Variants in RCAN2 observed in about 807,000 individuals in gnomAD.
RCAN2 encodes regulator of calcineurin 2.
A neutral mutation model predicts 23.6 loss-of-function variants in RCAN2; 9 were observed. That is an observed-to-expected ratio of 0.38 (90% CI 0.23 to 0.67). The LOEUF (loss-of-function observed/expected upper bound fraction) is 0.67, where lower values mean the gene tolerates loss of function less well. Among genes scored for constraint, RCAN2 ranks in the 30% least tolerant of loss-of-function variants. The probability of loss-of-function intolerance (pLI) is 0.51; values close to 1 mark genes in which losing one functional copy is unlikely to be tolerated. For missense variants in RCAN2, 273 were observed against 302.3 expected, an observed-to-expected ratio of 0.90 and a Z score of 0.72; for synonymous variants, 109 against 115.7, an observed-to-expected ratio of 0.94 and a Z score of 0.37.
chr6:46,227,577 T>C (rs1249689992), intron 4 of RCAN2, among the ~76,000 whole-genome samples: 1 of 152,136 alleles, frequency 6.6e-6, no homozygotes, highest in Non-Finnish European at 1.5e-5. Flanking sequence ...TTGCGTAGAG[T>C]GTTTATAGTA....
At chr6:46,295,986 A>G (rs1407380814) in intron 2 of RCAN2, among the ~76,000 whole-genome samples, 1 of 151,174 alleles carries the variant, frequency 6.6e-6, no homozygotes, top group African/African-American at 2.4e-5. Context: ...AGCAATGTTC[A>G]TCGATTATAA....
At chr6:46,482,067 G>T (rs1768876641) in intron 1 of RCAN2, among the ~76,000 whole-genome samples, 1 of 151,948 alleles carries the variant, frequency 6.6e-6, no homozygotes. Context: ...TAAAAACTGA[G>T]TAAAAAACAC....
chr6:46,422,053 A>G (rs1243359640), intron 2 of RCAN2, among the ~76,000 whole-genome samples: 1 of 152,112 alleles, frequency 6.6e-6, no homozygotes, highest in East Asian at 1.9e-4. Context: ...ACTCTTCCAA[A>G]TCTCATTTGA....
chr6:46,373,894 G>GGACTAA (rs1418420332), intron 2 of RCAN2, among the ~76,000 whole-genome samples: 4 of 152,186 alleles, frequency 2.6e-5, no homozygotes, highest in Non-Finnish European at 4.4e-5. Context: ...TTTAGGGGAA[G>GGACTAA]TCTTGACAGG....
intron 2 of RCAN2, among the ~76,000 whole-genome samples, chr6:46,367,351 A>C (rs1289138891): frequency 6.6e-6 from 1 of 151,980 alleles, no homozygotes; most frequent in Non-Finnish European, 1.5e-5. Context: ...TTTTCAAAGG[A>C]GGAGGTTCAA....
At chr6:46,265,244 T>G (rs1582045022) in intron 2 of RCAN2, among the ~76,000 whole-genome samples, 1 of 152,116 alleles carries the variant, frequency 6.6e-6, no homozygotes, top group Non-Finnish European at 1.5e-5. Context: ...GAAAATTGGA[T>G]CGTATTGATG....
At chr6:46,237,676 G>C (rs1028322830) in intron 4 of RCAN2, among the ~76,000 whole-genome samples, 27 of 152,270 alleles carry the variant, frequency 1.8e-4, no homozygotes, top group Admixed American at 8.5e-4. Context: ...AAACACTTCT[G>C]GCCCCAAGCA....
chr6:46,279,079 T>A (rs1381310704), intron 2 of RCAN2, among the ~76,000 whole-genome samples: 1 of 150,310 alleles, frequency 6.7e-6, no homozygotes, highest in African/African-American at 2.5e-5. Context: ...AGTTGGTTTG[T>A]TCTTACCCTT....
Position 46,367,460 on chromosome 6 carries a change from A to T in RCAN2, c.225+89292T>A, listed in dbSNP as rs530322133. 1.3e-5 allele frequency among the ~76,000 whole-genome samples: 2 copies of T among 152,334 alleles called. 1 individual carries two copies. The highest frequency in any genetic ancestry group is 4.1e-4 in the South Asian group (2 of 4,830). On this transcript the variant is annotated intron_variant, in intron 2 of 4. Transcript: ENST00000371374. ...TATTTAGAAAGCTCTTGAAAGTCCC[A>T]GTATTAAAATTATGCCCCTGTGGAA...
intron 2 of RCAN2, among the ~76,000 whole-genome samples, chr6:46,418,419 G>A (rs144269167): frequency 0.017 from 2,604 of 151,976 alleles, 52 homozygotes; most frequent in South Asian, 0.12. Context: ...CTTGCTCCAC[G>A]TCCTCAATTC....
chr6:46,359,870 C>G (rs1289630558), intron 2 of RCAN2, among the ~76,000 whole-genome samples: 3 of 152,146 alleles, frequency 2.0e-5, no homozygotes, highest in Non-Finnish European at 4.4e-5. Context: ...AACCAAAGTT[C>G]AGAGATCACA....
chr6:46,353,227 T>G (rs1206605378), intron 2 of RCAN2, among the ~76,000 whole-genome samples: 2 of 152,152 alleles, frequency 1.3e-5, no homozygotes, highest in African/African-American at 4.8e-5. Context: ...AGTTTTTGTT[T>G]TTCTGGGCCT....
At chr6:46,281,445 C>T (rs1012738129) in intron 2 of RCAN2, among the ~76,000 whole-genome samples, 3 of 152,156 alleles carry the variant, frequency 2.0e-5, no homozygotes, top group African/African-American at 7.2e-5. Context: ...GGTTTCAATC[C>T]ACTCTTCAAA....
chr6:46,236,605 A>C (rs377060612), intron 4 of RCAN2, among the ~76,000 whole-genome samples: 1 of 152,232 alleles, frequency 6.6e-6, no homozygotes, highest in South Asian at 2.1e-4. Flanking sequence ...ATTAGTGTTC[A>C]ATGAATATGT....
rs866655568 is a variant in RCAN2 at position 46,224,931 on chromosome 6, C to G, written c.572-1630G>C. On this transcript the variant is annotated intron_variant, in intron 4 of 4. Transcript: ENST00000371374. ...TATCTCCTAATGCTATCCCTCCCCC[C>G]CTTCCCCCACCCCATGACAGGCCCC... Among the ~76,000 whole-genome samples, 20 of 152,100 alleles carry G rather than the reference C, an allele frequency of 1.3e-4. No homozygotes were observed. In the South Asian group the frequency reaches 1.7e-3, roughly 13 times the overall value.
intron 2 of RCAN2, among the ~76,000 whole-genome samples, chr6:46,380,663 C>T (rs781130340): frequency 3.3e-5 from 5 of 152,204 alleles, no homozygotes; most frequent in Non-Finnish European, 7.3e-5. Context: ...CAAGCATAAA[C>T]ACTGGTCTAG....
chr6:46,325,954 C>A, intron 2 of RCAN2: 1 of 849,196 alleles, frequency 1.2e-6, no homozygotes, highest in Non-Finnish European at 1.4e-6. Context: ...TGTAATTCTG[C>A]AGATGAGCCT....
chr6:46,453,186 GAA>G (rs1336015478), intron 2 of RCAN2, among the ~76,000 whole-genome samples: 1 of 152,230 alleles, frequency 6.6e-6, no homozygotes, highest in Non-Finnish European at 1.5e-5. Context: ...GCTCTGAAGA[GAA>G]ATGTACCCTA....
chr6:46,408,273 T>A (rs1766457050), intron 2 of RCAN2, among the ~76,000 whole-genome samples: 1 of 152,162 alleles, frequency 6.6e-6, no homozygotes, highest in Non-Finnish European at 1.5e-5. Flanking sequence ...TTTAGAGCCA[T>A]CCGATATGAG....
Sources: allele counts gnomAD v4.1 joint callset (sites outside exome capture counted in the v4.1 genomes callset), GRCh38; gene constraint gnomAD v4.1.1; transcripts MANE v1.5; gene names NCBI Gene and HGNC (gene_info 2026-07-23, HGNC 2026-07-21).